Variants in ARHGAP42 observed in about 807,000 individuals in gnomAD.
ARHGAP42 encodes rho GTPase-activating protein 42.
Under a neutral mutation model 125.0 loss-of-function variants are expected in ARHGAP42, and 63 were observed. The observed-to-expected ratio is 0.50, with a 90% CI of 0.41 to 0.62. The LOEUF is 0.62. Ranked by LOEUF, ARHGAP42 falls within the 20% of genes least tolerant of loss-of-function variation. ARHGAP42 has a pLI of 0.00. For missense variants in ARHGAP42, 766 were observed against 1,024.2 expected (o/e 0.75, Z 3.44); for synonymous variants, 339 against 351.0 (o/e 0.97, Z 0.38).
chr11:100,856,968 T>A (rs1159139768), intron 3 of ARHGAP42, among the ~76,000 whole-genome samples: 1 of 152,110 alleles, frequency 6.6e-6, no homozygotes, highest in East Asian at 1.9e-4. Flanking sequence ...TGAATCTGTC[T>A]TCAACATTCA....
intron 6 of ARHGAP42, among the ~76,000 whole-genome samples, chr11:100,924,200 C>G (rs1349531095): frequency 6.6e-6 from 1 of 152,034 alleles, no homozygotes; most frequent in African/African-American, 2.4e-5. Flanking sequence ...TGGGATCTAT[C>G]TTCTACAGAT....
intron 1 of ARHGAP42, among the ~76,000 whole-genome samples, chr11:100,749,597 ACTCGTGTTGTC>A (rs1862394900): frequency 1.3e-5 from 2 of 151,946 alleles, no homozygotes; most frequent in Admixed American, 6.6e-5. Context: ...CACACTTCCC[ACTCGTGTTGTC>A]CTCTCTGGCT....
At chr11:100,984,525 A>G (rs1178151368) in intron 22 of ARHGAP42, among the ~76,000 whole-genome samples, 1 of 151,978 alleles carries the variant, frequency 6.6e-6, no homozygotes, top group East Asian at 1.9e-4. Flanking sequence ...TCCTGAAGAC[A>G]TTGTATCAAT....
In ARHGAP42 at chr11:100,949,994, A is replaced by T. The variant is rs694556; in HGVS notation, c.1162+38A>T. The T allele has an allele frequency of 0.87, 1,090,245 of 1,254,944 alleles. 474,414 individuals are homozygous for T. Among genetic ancestry groups the T allele is most frequent in the East Asian group, 1 (38,153 of 38,186 alleles). 77.7% of individuals were successfully genotyped at this position (1,254,944 alleles called of 1,614,324 possible). ...AATAGTTATTTAAAATTTTATCATG[A>T]AGTTATTTTTAACACAAAAGCATTA... On this transcript the variant is annotated intron_variant, in intron 12 of 23. Transcript: ENST00000298815.
intron 3 of ARHGAP42, among the ~76,000 whole-genome samples, chr11:100,852,894 G>A (rs891280596): frequency 6.6e-6 from 1 of 152,136 alleles, no homozygotes; most frequent in African/African-American, 2.4e-5. Flanking sequence ...AGGACTGGCT[G>A]AAGTAACCTT....
At chr11:100,914,518 CA>C (rs1357222214) in intron 5 of ARHGAP42, among the ~76,000 whole-genome samples, 1 of 151,912 alleles carries the variant, frequency 6.6e-6, no homozygotes, top group Non-Finnish European at 1.5e-5. Flanking sequence ...AGAACAACAA[CA>C]ACAACAACAA....
At chr11:100,688,105 C>G (rs1861121121) in intron 1 of ARHGAP42, 1 of 283,388 alleles carries the variant, frequency 3.5e-6, no homozygotes, top group Admixed American at 5.2e-5. Flanking sequence ...GTGTAATGCT[C>G]CTAGGAAGAT....
intron 3 of ARHGAP42, among the ~76,000 whole-genome samples, chr11:100,841,344 G>T (rs1158880378): frequency 6.6e-6 from 1 of 151,352 alleles, no homozygotes. Flanking sequence ...TTTTTGGTTT[G>T]TTCAGGAGTT....
At chr11:100,933,564 A>G (rs922519206) in intron 7 of ARHGAP42, among the ~76,000 whole-genome samples, 3 of 152,144 alleles carry the variant, frequency 2.0e-5, no homozygotes, top group Admixed American at 2.0e-4. Flanking sequence ...CACTGTATTG[A>G]ATACTTGAAA....
chr11:100,913,617 G>T, intron 5 of ARHGAP42, 64 bp downstream of exon 5: 1 of 827,792 alleles, frequency 1.2e-6, no homozygotes, highest in East Asian at 7.2e-5. Flanking sequence ...AATTTCCAAA[G>T]GTAAAACTAT....
chr11:100,839,640 A>C (rs1864896450), intron 3 of ARHGAP42: 1 of 152,166 alleles, frequency 6.6e-6, no homozygotes, highest in South Asian at 2.1e-4. Flanking sequence ...AGATGTGAGG[A>C]TGATCTGGCT....
intron 2 of ARHGAP42, among the ~76,000 whole-genome samples, chr11:100,779,986 A>C (rs1394746196): frequency 1.3e-5 from 2 of 151,880 alleles, no homozygotes; most frequent in African/African-American, 4.8e-5. Context: ...AGATTGCGCC[A>C]CTGCACTCTA....
At chr11:100,914,958 G>A (rs556377854) in intron 5 of ARHGAP42, among the ~76,000 whole-genome samples, 29 of 152,096 alleles carry the variant, frequency 1.9e-4, no homozygotes, top group Non-Finnish European at 3.2e-4. Context: ...TGTTCTCATC[G>A]ACAGTATCAA....
At chr11:100,974,670 G>A in intron 19 of ARHGAP42, 67 bp downstream of exon 19, 1 of 1,409,432 alleles carries the variant, frequency 7.1e-7, no homozygotes, top group East Asian at 2.5e-5. Flanking sequence ...TCACTGTATT[G>A]GTAATTAGGT....
At chr11:100,801,582 A>G (rs900117455) in intron 3 of ARHGAP42, among the ~76,000 whole-genome samples, 6 of 152,182 alleles carry the variant, frequency 3.9e-5, no homozygotes, top group Non-Finnish European at 8.8e-5. Flanking sequence ...TTCTAACTTT[A>G]AATATTGAGG....
intron 21 of ARHGAP42, 144 bp downstream of exon 21, chr11:100,977,115 ACT>A (rs1736756587): frequency 4.2e-6 from 4 of 941,804 alleles, no homozygotes; most frequent in Admixed American, 2.8e-5. Context: ...CTTCTGTAAG[ACT>A]CTATTCTTTT....
At chr11:100,800,220 A>G (rs1863818439) in intron 3 of ARHGAP42, among the ~76,000 whole-genome samples, 1 of 152,186 alleles carries the variant, frequency 6.6e-6, no homozygotes, top group Admixed American at 6.5e-5. Flanking sequence ...ATGGATTTGT[A>G]TAATATGAAA....
intron 3 of ARHGAP42, among the ~76,000 whole-genome samples, chr11:100,845,252 G>A (rs1228177082): frequency 6.6e-6 from 1 of 152,104 alleles, no homozygotes; most frequent in Non-Finnish European, 1.5e-5. Flanking sequence ...CCCAGGAATG[G>A]AAAATCAAAC....
chr11:100,773,852 G>A lies in ARHGAP42; in HGVS notation c.250+3414G>A, dbSNP rs140959147. 2.5e-3 allele frequency among the ~76,000 whole-genome samples: 375 copies of A among 152,316 alleles called. 1 individual carries two copies. The highest frequency in any genetic ancestry group is 8.6e-3 in the African/African-American group (358 of 41,556). On this transcript the variant is annotated intron_variant, in intron 2 of 23. Transcript: ENST00000298815. ...TTTAATGCTATGTGGGCTTTGTGAA[G>A]TTAAATCTCAGGTTGGAGATCAGGA...
Sources: gnomAD v4.1 joint callset for allele counts (sites outside exome capture counted in the v4.1 genomes callset) on GRCh38, gnomAD v4.1.1 for gene constraint, MANE v1.5 for transcripts, NCBI Gene and HGNC (gene_info 2026-07-23, HGNC 2026-07-21) for gene names.